The following CYRIA variants were observed in gnomAD, a reference collection of about 807,000 sequenced individuals.
CYRIA encodes CYFIP related Rac1 interactor A.
In CYRIA, 15 loss-of-function variants were observed where a neutral mutation model predicts 43.9. That is an observed-to-expected ratio of 0.34 (90% CI 0.23 to 0.53). The LOEUF is 0.53. Among genes scored for constraint, CYRIA ranks in the 20% least tolerant of loss-of-function variants. The probability of loss-of-function intolerance (pLI) is 0.94; values close to 1 mark genes in which losing one functional copy is unlikely to be tolerated. For missense variants in CYRIA, 236 were observed against 394.2 expected, an observed-to-expected ratio of 0.60 and a Z score of 3.40; for synonymous variants, 117 against 136.0, an observed-to-expected ratio of 0.86 and a Z score of 0.97.
chr2:16,610,034 A>T (rs998197425), intron 2 of CYRIA, among the ~76,000 whole-genome samples: 8 of 152,232 alleles, frequency 5.3e-5, no homozygotes, highest in Admixed American at 6.5e-5. Flanking sequence ...ATATGTACTG[A>T]TTTACAGCCA....
chr2:16,640,263 G>A (rs992785227), intron 1 of CYRIA, among the ~76,000 whole-genome samples: 6 of 152,142 alleles, frequency 3.9e-5, no homozygotes, highest in Admixed American at 3.3e-4. Context: ...AGCCAGCCTC[G>A]CCCCCACAGA....
At chr2:16,598,277 C>T (rs1668081931) in intron 2 of CYRIA, among the ~76,000 whole-genome samples, 1 of 80,164 alleles carries the variant, frequency 1.2e-5, no homozygotes, top group Non-Finnish European at 2.2e-5. Context: ...GGACGTTGGC[C>T]TGCCTTGCTA....
chr2:16,555,198 C>G (rs1666462645), intron 10 of CYRIA, 59 bp from the exon 11 acceptor site: 3 of 1,427,972 alleles, frequency 2.1e-6, no homozygotes, highest in Non-Finnish European at 2.9e-6. Context: ...ATGCCAATAT[C>G]TACCCATAAT....
At chr2:16,619,134 A>G (rs1668909227) in intron 2 of CYRIA, among the ~76,000 whole-genome samples, 1 of 152,186 alleles carries the variant, frequency 6.6e-6, no homozygotes, top group Non-Finnish European at 1.5e-5. Context: ...CACGAAGTGC[A>G]GAGATCTTGG....
chr2:16,663,590 A>T (rs1230988697), intron 1 of CYRIA, among the ~76,000 whole-genome samples: 4 of 151,248 alleles, frequency 2.6e-5, no homozygotes, highest in Non-Finnish European at 5.9e-5. Flanking sequence ...GGGAGGGTCT[A>T]CTTGACTCTG....
chr2:16,577,702 CAGA>C (rs1667399375), intron 3 of CYRIA, among the ~76,000 whole-genome samples: 1 of 152,118 alleles, frequency 6.6e-6, no homozygotes, highest in African/African-American at 2.4e-5. Flanking sequence ...GAGCTCCAGG[CAGA>C]AGGACAGTCT....
chr2:16,585,223 TA>T (rs201804479), intron 3 of CYRIA, among the ~76,000 whole-genome samples: 3 of 152,110 alleles, frequency 2.0e-5, no homozygotes, highest in East Asian at 1.9e-4. Context: ...ATTTTCAGGA[TA>T]AAAAAATTTT....
At chr2:16,633,078 A>C (rs1669375916) in intron 1 of CYRIA, among the ~76,000 whole-genome samples, 1 of 152,130 alleles carries the variant, frequency 6.6e-6, no homozygotes, top group South Asian at 2.1e-4. Flanking sequence ...CTTCTAATAA[A>C]ATCCATATTC....
intron 5 of CYRIA, among the ~76,000 whole-genome samples, 193 bp from the exon 6 acceptor site, chr2:16,562,334 A>G (rs1386173040): frequency 6.6e-6 from 1 of 152,148 alleles, no homozygotes; most frequent in Non-Finnish European, 1.5e-5. Context: ...GCCTCCCCTG[A>G]GGAAACCCCC....
intron 2 of CYRIA, among the ~76,000 whole-genome samples, chr2:16,618,836 T>C (rs930636576): frequency 6.6e-6 from 1 of 152,226 alleles, no homozygotes; most frequent in Non-Finnish European, 1.5e-5. Context: ...TATGCTGCTC[T>C]GACCTCACTG....
chr2:16,625,769 T>C (rs1360661611), intron 1 of CYRIA: 2 of 151,720 alleles, frequency 1.3e-5, no homozygotes, highest in African/African-American at 4.8e-5. Flanking sequence ...CACAAAAGGA[T>C]CTGGAAACAA....
intron 1 of CYRIA, among the ~76,000 whole-genome samples, chr2:16,644,265 C>T (rs553666251): frequency 5.9e-5 from 9 of 152,218 alleles, no homozygotes; most frequent in African/African-American, 2.2e-4. Context: ...CTGGTTTGAC[C>T]CCAGGTAGAG....
At chr2:16,639,879 TC>T (rs1669619927) in intron 1 of CYRIA, among the ~76,000 whole-genome samples, 1 of 152,248 alleles carries the variant, frequency 6.6e-6, no homozygotes, top group Non-Finnish European at 1.5e-5. Flanking sequence ...TTCGAATGGC[TC>T]TGCTGTTCTT....
At chr2:16,664,754 T>C (rs1670346143) in intron 1 of CYRIA, among the ~76,000 whole-genome samples, 1 of 151,890 alleles carries the variant, frequency 6.6e-6, no homozygotes, top group South Asian at 2.1e-4. Context: ...GAGAGGAAAG[T>C]TTCTAACAGG....
intron 2 of CYRIA, among the ~76,000 whole-genome samples, chr2:16,608,220 C>T (rs1028596720): frequency 3.9e-5 from 6 of 152,140 alleles, no homozygotes; most frequent in African/African-American, 2.4e-5. Flanking sequence ...ACAGACTGAG[C>T]AGAGAAAACA....
At chr2:16,624,301 C>A (rs1169289620) in intron 1 of CYRIA, among the ~76,000 whole-genome samples, 1 of 152,218 alleles carries the variant, frequency 6.6e-6, no homozygotes, top group South Asian at 2.1e-4. Flanking sequence ...TTAAATGCAG[C>A]CACATGGTCA....
chr2:16,609,279 G>A (rs1217338926), intron 2 of CYRIA, among the ~76,000 whole-genome samples: 1 of 152,134 alleles, frequency 6.6e-6, no homozygotes, highest in African/African-American at 2.4e-5. Flanking sequence ...CACACAAGGG[G>A]GACCCCTGGG....
intron 1 of CYRIA, among the ~76,000 whole-genome samples, chr2:16,633,968 C>A (rs1261102232): frequency 6.6e-6 from 1 of 152,090 alleles, no homozygotes; most frequent in African/African-American, 2.4e-5. Flanking sequence ...GAACCTGGAT[C>A]GCTGAATAAC....
chr2:16,661,356 T>C (rs893522683), intron 1 of CYRIA, among the ~76,000 whole-genome samples: 2 of 152,174 alleles, frequency 1.3e-5, no homozygotes, highest in African/African-American at 2.4e-5. Context: ...TGACCTTGTT[T>C]CTCCTGTCTC....
Sources: allele counts gnomAD v4.1 joint callset (sites outside exome capture counted in the v4.1 genomes callset), GRCh38; gene constraint gnomAD v4.1.1; transcripts MANE v1.5; gene names NCBI Gene and HGNC (gene_info 2026-07-23, HGNC 2026-07-21).